Variants in SEL1L2 observed in about 807,000 individuals in gnomAD.
SEL1L2 encodes the protein protein sel-1 homolog 2.
A neutral mutation model predicts 98.8 loss-of-function variants in SEL1L2; 89 were observed. That is an observed-to-expected ratio of 0.90 (90% CI 0.76 to 1.07). The LOEUF is 1.07. Among genes scored for constraint, SEL1L2 ranks in the 50% least tolerant of loss-of-function variants. SEL1L2 has a pLI of 0.00. For synonymous variants in SEL1L2, 262 were observed against 278.5 expected, an observed-to-expected ratio of 0.94 and a Z score of 0.59; for missense variants, 788 against 812.0, an observed-to-expected ratio of 0.97 and a Z score of 0.36.
chr20:13,864,586 G>A (rs1165716988), intron 17 of SEL1L2, among the ~76,000 whole-genome samples: 4 of 152,150 alleles, frequency 2.6e-5, no homozygotes, highest in Non-Finnish European at 4.4e-5. Flanking sequence ...CCTTATCCAT[G>A]TGATGCCAGC....
intron 2 of SEL1L2, among the ~76,000 whole-genome samples, chr20:13,934,687 C>T (rs1401805096): frequency 6.6e-6 from 1 of 151,216 alleles, no homozygotes; most frequent in East Asian, 2.0e-4. Flanking sequence ...AAGGAATCTT[C>T]ACACTGTTTT....
intron 1 of SEL1L2, among the ~76,000 whole-genome samples, chr20:13,968,912 G>A (rs1276322367): frequency 6.6e-6 from 1 of 152,148 alleles, no homozygotes; most frequent in African/African-American, 2.4e-5. Flanking sequence ...TTGCTCAAAT[G>A]TATGAACTAA....
chr20:13,863,101 G>A (rs1990436520), intron 17 of SEL1L2, among the ~76,000 whole-genome samples: 1 of 152,118 alleles, frequency 6.6e-6, no homozygotes, highest in Admixed American at 6.6e-5. Flanking sequence ...TAAGAATGGT[G>A]CCCAGAAAAG....
Position 13,984,823 on chromosome 20 carries a change from CAT to C in SEL1L2, c.58+5652_58+5653del, listed in dbSNP as rs777949767. On this transcript the variant is annotated intron_variant, in intron 1 of 19. Transcript: ENST00000284951. ...TTTTGCTTTTTTCATTTTTAATTAA[CAT>C]ATAATAATTGTACATATACGGAGCA... is the stretch of plus-strand genomic sequence containing the variant. 2.6e-5 allele frequency among the ~76,000 whole-genome samples: 4 copies of C among 151,616 alleles called. No individual in the cohort carries two copies. In the East Asian group the frequency reaches 7.7e-4, roughly 29 times the overall value.
chr20:13,960,186 T>C (rs936992615), intron 1 of SEL1L2, among the ~76,000 whole-genome samples: 1 of 152,110 alleles, frequency 6.6e-6, no homozygotes, highest in Non-Finnish European at 1.5e-5. Context: ...CAGAATAAAA[T>C]TAGAGTTAGT....
chr20:13,870,081 C>A, intron 13 of SEL1L2, 60 bp downstream of exon 13: 1 of 1,194,564 alleles, frequency 8.4e-7, no homozygotes, highest in Non-Finnish European at 1.2e-6. Context: ...TAATGAATGA[C>A]CATGAATTTT....
Position 13,863,920 on chromosome 20 carries a change from A to G in SEL1L2, c.1645+1247T>C, listed in dbSNP as rs1015343931. Among the ~76,000 whole-genome samples the G allele has an allele frequency of 3.3e-5, 5 of 151,252 alleles. No homozygotes were observed. In the East Asian group the frequency reaches 9.7e-4, roughly 29 times the overall value. ...AGGAGGCGGAGGTTGCAGTGAGCCT[A>G]GATTGTGCCACTGCACCCCAGCCTG... On this transcript the variant is annotated intron_variant, in intron 17 of 19. Transcript: ENST00000284951.
intron 2 of SEL1L2, 26 bp downstream of exon 2, chr20:13,956,050 A>C (rs2148445952): frequency 7.3e-7 from 1 of 1,370,338 alleles, no homozygotes; most frequent in Non-Finnish European, 1.0e-6. Flanking sequence ...CTATTAAAAA[A>C]TGTAAAGATT....
At chr20:13,901,230 C>T (rs1401778377) in intron 5 of SEL1L2, among the ~76,000 whole-genome samples, 1 of 151,874 alleles carries the variant, frequency 6.6e-6, no homozygotes, top group South Asian at 2.1e-4. Context: ...GCCCCCATGC[C>T]CGGCTAATTT....
chr20:13,979,867 C>T (rs1013117668), intron 1 of SEL1L2, among the ~76,000 whole-genome samples: 4 of 152,064 alleles, frequency 2.6e-5, no homozygotes, highest in Admixed American at 2.6e-4. Context: ...ACAGAATTTA[C>T]ATCAAACTAA....
intron 1 of SEL1L2, among the ~76,000 whole-genome samples, chr20:13,972,798 C>T (rs952968457): frequency 3.9e-5 from 6 of 152,088 alleles, no homozygotes; most frequent in Non-Finnish European, 5.9e-5. Context: ...ACATGTTTTT[C>T]TCTTTAGAAG....
intron 18 of SEL1L2, among the ~76,000 whole-genome samples, chr20:13,852,970 G>A (rs1199034843): frequency 6.6e-6 from 1 of 151,752 alleles, no homozygotes; most frequent in African/African-American, 2.4e-5. Context: ...AGGGAACTTA[G>A]GAAATATAGA....
chr20:13,923,005 G>T (rs573979610), intron 3 of SEL1L2, among the ~76,000 whole-genome samples: 1 of 152,194 alleles, frequency 6.6e-6, no homozygotes, highest in African/African-American at 2.4e-5. Flanking sequence ...TAACAGGGCT[G>T]GGCTGTTACA....
intron 5 of SEL1L2, among the ~76,000 whole-genome samples, chr20:13,901,732 G>C (rs2047692044): frequency 6.6e-6 from 1 of 150,758 alleles, no homozygotes; most frequent in Non-Finnish European, 1.5e-5. Context: ...CACGATCTCA[G>C]CTCACTGCAA....
intron 1 of SEL1L2, 83 bp from the exon 2 acceptor site, chr20:13,956,214 A>C (rs1198451475): frequency 1.4e-6 from 1 of 707,192 alleles, no homozygotes; most frequent in East Asian, 3.0e-5. Flanking sequence ...TGTTAAAAAA[A>C]CTTCTAGAAA....
At chr20:13,974,473 C>CTATTTTTTTTTTTTTTTTTTT (rs1252330288) in intron 1 of SEL1L2, among the ~76,000 whole-genome samples, 1 of 85,286 alleles carries the variant, frequency 1.2e-5, no homozygotes, top group African/African-American at 4.1e-5. Flanking sequence ...CTCTCTCTCT[C>CTATTTTTTTTTTTTTTTTTTT]TCTTTTTTTT....
rs748649659 is a variant in SEL1L2, at chr20:13,956,035, AT to A, written c.114+40del. The A allele has an allele frequency of 7.3e-6, 9 of 1,224,546 alleles. No homozygotes were observed. The South Asian group carries it at 1.2e-4, about 16-fold the overall frequency. 75.9% of individuals were successfully genotyped at this position (1,224,546 alleles called of 1,614,324 possible). On this transcript the variant is annotated intron_variant, in intron 2 of 19. Coordinates refer to ENST00000284951, the MANE Select transcript of SEL1L2 (RefSeq NM_025229.2). ...GAAAAAACTAGTGCCTATAGCCTAA[AT>A]TTTCTATTAAAAAATGTAAAGATTT... is the stretch of plus-strand genomic sequence containing the variant.
At chr20:13,965,396 C>CT (rs2050995649) in intron 1 of SEL1L2, among the ~76,000 whole-genome samples, 1 of 152,074 alleles carries the variant, frequency 6.6e-6, no homozygotes, top group Non-Finnish European at 1.5e-5. Context: ...GGGGAGAAAA[C>CT]TGGTGATACA....
At chr20:13,976,522 T>C (rs549521172) in intron 1 of SEL1L2, among the ~76,000 whole-genome samples, 3 of 152,164 alleles carry the variant, frequency 2.0e-5, no homozygotes, top group African/African-American at 7.2e-5. Flanking sequence ...TAGCTAATAG[T>C]TTGAATTGGT....
Sources: allele counts gnomAD v4.1 joint callset (sites outside exome capture counted in the v4.1 genomes callset), GRCh38; gene constraint gnomAD v4.1.1; transcripts MANE v1.5; gene names NCBI Gene and HGNC (gene_info 2026-07-23, HGNC 2026-07-21).